The following FSTL5 variants were observed in gnomAD, a reference collection of about 807,000 sequenced individuals.
The protein encoded by FSTL5 is follistatin like 5.
In FSTL5, 62 loss-of-function variants were observed where a neutral mutation model predicts 89.1. The ratio of observed to expected loss-of-function variants is 0.70; its 90% CI spans 0.57 to 0.86. FSTL5 has a LOEUF of 0.86. Among genes scored for constraint, FSTL5 ranks in the 40% least tolerant of loss-of-function variants. The pLI is 0.00. For synonymous variants in FSTL5, 383 were observed against 346.2 expected, an observed-to-expected ratio of 1.11 and a Z score of -1.18; for missense variants, 1,057 against 1,001.6, an observed-to-expected ratio of 1.06 and a Z score of -0.75.
chr4:161,717,952 GTAA>G, intron 6 of FSTL5, among the ~76,000 whole-genome samples: 1 of 152,112 alleles, frequency 6.6e-6, no homozygotes, highest in African/African-American at 2.4e-5. Flanking sequence ...TATTCATTCT[GTAA>G]TATGTGCAGT....
At chr4:161,674,964 T>A (rs72689110) in intron 6 of FSTL5, among the ~76,000 whole-genome samples, 8 of 152,150 alleles carry the variant, frequency 5.3e-5, no homozygotes, top group African/African-American at 1.9e-4. Context: ...TGGATCAGTA[T>A]CTGAGATTGG....
At chr4:161,966,034 T>G (rs1313036136) in intron 3 of FSTL5, among the ~76,000 whole-genome samples, 2 of 152,152 alleles carry the variant, frequency 1.3e-5, no homozygotes, top group African/African-American at 4.8e-5. Context: ...TAATTTTGTG[T>G]GAGAATATCT....
chr4:161,695,858 A>T (rs947613744), intron 6 of FSTL5, among the ~76,000 whole-genome samples: 1 of 151,890 alleles, frequency 6.6e-6, no homozygotes, highest in African/African-American at 2.4e-5. Flanking sequence ...TCTGAATATT[A>T]GTCCTTTGTT....
intron 5 of FSTL5, among the ~76,000 whole-genome samples, chr4:161,765,374 TA>T (rs1253698804): frequency 1.3e-5 from 2 of 152,218 alleles, no homozygotes; most frequent in Non-Finnish European, 2.9e-5. Flanking sequence ...AACAGCATTT[TA>T]TCTGTGAGAT....
chr4:161,638,210 T>C (rs559555318), intron 7 of FSTL5, among the ~76,000 whole-genome samples: 625 of 151,852 alleles, frequency 4.1e-3, no homozygotes, highest in African/African-American at 0.014. Context: ...CTAGGTATTT[T>C]ATTCTCTTTG....
intron 8 of FSTL5, among the ~76,000 whole-genome samples, chr4:161,571,950 T>C (rs753683297): frequency 6.6e-6 from 1 of 152,168 alleles, no homozygotes; most frequent in Non-Finnish European, 1.5e-5. Flanking sequence ...AAAATTAGGC[T>C]AGAGACACAA....
intron 10 of FSTL5, among the ~76,000 whole-genome samples, chr4:161,524,871 C>A (rs989144247): frequency 6.6e-6 from 1 of 151,804 alleles, no homozygotes; most frequent in African/African-American, 2.4e-5. Flanking sequence ...GGCAGGAGAA[C>A]CTCTTGAACC....
chr4:161,895,760 G>A (rs1255642233), intron 4 of FSTL5, among the ~76,000 whole-genome samples: 1 of 152,016 alleles, frequency 6.6e-6, no homozygotes, highest in Non-Finnish European at 1.5e-5. Context: ...AAACCATTAG[G>A]ATTGTTTTTT....
chr4:161,385,515 T>G lies in FSTL5; in HGVS notation c.*232A>C. ...GCATAATTTACATATTTGATTCTTG[T>G]GACTGATGTGATTTCTCATTAAATA... On this transcript the variant is annotated 3_prime_UTR_variant, in exon 16 of 16. Coordinates refer to ENST00000306100, the MANE Select transcript of FSTL5 (RefSeq NM_020116.5). The G allele has an allele frequency of 2.3e-6, 1 of 440,134 alleles. No individual in the cohort carries two copies. Among genetic ancestry groups the G allele is most frequent in the Non-Finnish European group, 4.0e-6 (1 of 250,424 alleles). 27.3% of individuals were successfully genotyped at this position (440,134 alleles called of 1,614,324 possible).
At chr4:161,997,592 A>C (rs1736333121) in intron 3 of FSTL5, among the ~76,000 whole-genome samples, 1 of 141,374 alleles carries the variant, frequency 7.1e-6, no homozygotes, top group Non-Finnish European at 1.5e-5. Context: ...ATAAGTGTAT[A>C]CATGTTATCT....
chr4:161,713,945 T>G (rs1738888956), intron 6 of FSTL5, among the ~76,000 whole-genome samples: 1 of 152,202 alleles, frequency 6.6e-6, no homozygotes, highest in Non-Finnish European at 1.5e-5. Flanking sequence ...CCCTTTACAC[T>G]TTCAATTAGT....
intron 6 of FSTL5, among the ~76,000 whole-genome samples, chr4:161,667,130 CTT>C (rs1051721827): frequency 2.4e-4 from 36 of 151,952 alleles, no homozygotes; most frequent in African/African-American, 8.0e-4. Flanking sequence ...TAATTCATGA[CTT>C]TGACATTCTT....
intron 6 of FSTL5, among the ~76,000 whole-genome samples, chr4:161,697,072 C>T (rs1230472258): frequency 6.6e-6 from 1 of 152,192 alleles, no homozygotes; most frequent in Non-Finnish European, 1.5e-5. Flanking sequence ...TCTGCAAGAG[C>T]AAACAAACAG....
At chr4:161,793,697 C>T (rs1729545778) in intron 4 of FSTL5, among the ~76,000 whole-genome samples, 1 of 151,986 alleles carries the variant, frequency 6.6e-6, no homozygotes, top group Non-Finnish European at 1.5e-5. Context: ...TAACCTCCAC[C>T]TCCTGGGTTC....
intron 4 of FSTL5, among the ~76,000 whole-genome samples, chr4:161,914,955 A>G (rs1474645464): frequency 3.3e-5 from 5 of 152,206 alleles, no homozygotes; most frequent in Admixed American, 1.3e-4. Flanking sequence ...GTATTCATAT[A>G]GAAATCACTA....
At chr4:161,746,388 C>T (rs2126777059) in intron 6 of FSTL5, among the ~76,000 whole-genome samples, 1 of 152,210 alleles carries the variant, frequency 6.6e-6, no homozygotes, top group South Asian at 2.1e-4. Context: ...TTGTTCAAGC[C>T]CTCAAAACTT....
intron 4 of FSTL5, among the ~76,000 whole-genome samples, chr4:161,881,342 T>C (rs1042290256): frequency 5.3e-5 from 8 of 151,794 alleles, no homozygotes; most frequent in African/African-American, 1.9e-4. Context: ...GATACTACAG[T>C]TGTATCAATG....
At chr4:161,408,720 C>T (rs1314243110) in intron 15 of FSTL5, among the ~76,000 whole-genome samples, 1 of 152,154 alleles carries the variant, frequency 6.6e-6, no homozygotes, top group Non-Finnish European at 1.5e-5. Context: ...AATTTCTCTT[C>T]TAAGAAGTAC....
At chr4:161,810,624 C>T in intron 4 of FSTL5, among the ~76,000 whole-genome samples, 1 of 152,138 alleles carries the variant, frequency 6.6e-6, no homozygotes, top group East Asian at 1.9e-4. Context: ...GACTTTAACT[C>T]AACTCTGCTA....
Sources: gnomAD v4.1 joint callset for allele counts (sites outside exome capture counted in the v4.1 genomes callset) on GRCh38, gnomAD v4.1.1 for gene constraint, MANE v1.5 for transcripts, NCBI Gene and HGNC (gene_info 2026-07-23, HGNC 2026-07-21) for gene names.